The following PRKG2 variants were observed in gnomAD, a reference collection of about 807,000 sequenced individuals.
PRKG2 encodes the protein protein kinase cGMP-dependent 2, also known as cGMP-dependent protein kinase 2.
A neutral mutation model predicts 97.2 loss-of-function variants in PRKG2; 33 were observed. The ratio of observed to expected loss-of-function variants is 0.34; its 90% CI spans 0.26 to 0.45. The LOEUF (loss-of-function observed/expected upper bound fraction) is 0.45. Among genes scored for constraint, PRKG2 ranks in the 20% least tolerant of loss-of-function variants. The pLI, the probability that PRKG2 is intolerant of heterozygous loss-of-function variation, is 1.00. For synonymous variants in PRKG2, 330 were observed against 321.8 expected (o/e 1.03, Z -0.27); for missense variants, 638 against 900.0 (o/e 0.71, Z 3.73).
intron 14 of PRKG2, among the ~76,000 whole-genome samples, chr4:81,117,540 T>C (rs1436481693): frequency 2.0e-5 from 3 of 152,184 alleles, no homozygotes; most frequent in Non-Finnish European, 4.4e-5. Context: ...TTTTTTCTTA[T>C]TAATACACTA....
chr4:81,157,699 G>C (rs10031760), intron 6 of PRKG2, among the ~76,000 whole-genome samples: 12,279 of 151,248 alleles, frequency 0.081, 1,717 homozygotes, highest in African/African-American at 0.28. Context: ...CTGGCAAACC[G>C]AATCCAGCAG....
chr4:81,196,715 A>G (rs758346853), intron 2 of PRKG2, among the ~76,000 whole-genome samples: 12 of 151,500 alleles, frequency 7.9e-5, no homozygotes, highest in Non-Finnish European at 1.6e-4. Context: ...TATAAAATAT[A>G]TATAAAATAT....
intron 17 of PRKG2, among the ~76,000 whole-genome samples, chr4:81,099,428 A>T (rs1243132492): frequency 6.6e-6 from 1 of 152,206 alleles, no homozygotes; most frequent in Admixed American, 6.6e-5. Context: ...CAATAAACAT[A>T]ATCCAGCATA....
chr4:81,166,464 T>A (rs896405541), intron 6 of PRKG2, among the ~76,000 whole-genome samples: 8 of 152,178 alleles, frequency 5.3e-5, no homozygotes, highest in Admixed American at 4.6e-4. Flanking sequence ...TTGCTTTGAA[T>A]TTTAATTCTC....
intron 1 of PRKG2, among the ~76,000 whole-genome samples, chr4:81,212,592 G>A (rs76133235): frequency 0.022 from 3,318 of 152,296 alleles, 52 homozygotes; most frequent in Non-Finnish European, 0.034. Flanking sequence ...GATATACTCA[G>A]TTTGAAGCAC....
At chr4:81,205,084 G>C (rs1397252421) in intron 1 of PRKG2, 24 bp from the exon 2 acceptor site, 3 of 1,464,832 alleles carry the variant, frequency 2.0e-6, no homozygotes, top group African/African-American at 2.8e-5. Flanking sequence ...GAATTGGGAA[G>C]TATCAAGTGG....
intron 9 of PRKG2, among the ~76,000 whole-genome samples, chr4:81,148,561 T>A (rs577312833): frequency 6.6e-6 from 1 of 152,190 alleles, no homozygotes; most frequent in African/African-American, 2.4e-5. Context: ...TTGTTCACTA[T>A]ATTGTATGGA....
chr4:81,165,385 T>C (rs1157747751), intron 6 of PRKG2, among the ~76,000 whole-genome samples: 1 of 152,148 alleles, frequency 6.6e-6, no homozygotes, highest in African/African-American at 2.4e-5. Flanking sequence ...ATGACAGATT[T>C]AGCCTGTTTT....
At chr4:81,197,130 T>G (rs915276107) in intron 2 of PRKG2, among the ~76,000 whole-genome samples, 1 of 152,148 alleles carries the variant, frequency 6.6e-6, no homozygotes, top group Non-Finnish European at 1.5e-5. Flanking sequence ...CAAAGGCCAG[T>G]GGTGATGTTT....
chr4:81,130,449 C>T (rs1210687159), intron 14 of PRKG2, among the ~76,000 whole-genome samples: 1 of 152,114 alleles, frequency 6.6e-6, no homozygotes, highest in Non-Finnish European at 1.5e-5. Flanking sequence ...GGTGTCTCCC[C>T]GGCAGGAGGA....
chr4:81,100,230 A>G (rs2109958978), intron 17 of PRKG2, among the ~76,000 whole-genome samples: 1 of 152,258 alleles, frequency 6.6e-6, no homozygotes, highest in South Asian at 2.1e-4. Context: ...GTTCATATGG[A>G]ACCAAAAAAG....
chr4:81,117,991 T>C (rs1744717563), intron 14 of PRKG2, among the ~76,000 whole-genome samples: 1 of 152,214 alleles, frequency 6.6e-6, no homozygotes, highest in African/African-American at 2.4e-5. Flanking sequence ...GTCCTGCCTA[T>C]TCATTTCTAC....
chr4:81,116,913 T>C (rs1312011272), intron 14 of PRKG2, among the ~76,000 whole-genome samples: 1 of 151,950 alleles, frequency 6.6e-6, no homozygotes, highest in Non-Finnish European at 1.5e-5. Context: ...TCCTGGATGT[T>C]AGACTTGTGT....
At chr4:81,116,705 C>T (rs1744563138) in intron 14 of PRKG2, among the ~76,000 whole-genome samples, 1 of 152,006 alleles carries the variant, frequency 6.6e-6, no homozygotes, top group Admixed American at 6.6e-5. Flanking sequence ...GTAATGTTAG[C>T]CATTATGACT....
At chr4:81,117,409 C>G (rs959821507) in intron 14 of PRKG2, among the ~76,000 whole-genome samples, 2 of 152,004 alleles carry the variant, frequency 1.3e-5, no homozygotes, top group Non-Finnish European at 2.9e-5. Context: ...CTGTAAAATA[C>G]CAAATAGAAG....
chr4:81,140,067 C>T (rs189593903), intron 12 of PRKG2, among the ~76,000 whole-genome samples: 57 of 152,184 alleles, frequency 3.7e-4, no homozygotes, highest in African/African-American at 1.2e-3. Flanking sequence ...AAACATCACA[C>T]GTTCTCACTT....
intron 6 of PRKG2, among the ~76,000 whole-genome samples, chr4:81,155,879 T>C (rs1749040250): frequency 6.6e-6 from 1 of 152,070 alleles, no homozygotes; most frequent in African/African-American, 2.4e-5. Flanking sequence ...AAGCAAATGC[T>C]GAGAGATTTC....
At chr4:81,138,745 G>A (rs964688359) in intron 12 of PRKG2, among the ~76,000 whole-genome samples, 1 of 151,718 alleles carries the variant, frequency 6.6e-6, no homozygotes, top group Non-Finnish European at 1.5e-5. Flanking sequence ...ACTTTGGAAA[G>A]AGTTGAAAAT....
At chr4:81,196,491 C>T (rs566751708) in intron 2 of PRKG2, among the ~76,000 whole-genome samples, 11 of 152,158 alleles carry the variant, frequency 7.2e-5, no homozygotes, top group Non-Finnish European at 1.6e-4. Flanking sequence ...GTTCTTCTCA[C>T]TTGTACTTCC....
Sources: allele counts gnomAD v4.1 joint callset (sites outside exome capture counted in the v4.1 genomes callset), GRCh38; gene constraint gnomAD v4.1.1; transcripts MANE v1.5; gene names NCBI Gene and HGNC (gene_info 2026-07-23, HGNC 2026-07-21).